Variants in PXYLP1 observed in about 807,000 individuals in gnomAD.
The protein encoded by PXYLP1 is 2-phosphoxylose phosphatase 1, also known as acid phosphatase-like 2.
Under a neutral mutation model 37.9 loss-of-function variants are expected in PXYLP1, and 17 were observed. That is an observed-to-expected ratio of 0.45 (90% CI 0.31 to 0.67). The LOEUF (loss-of-function observed/expected upper bound fraction) is 0.67, where lower values mean the gene tolerates loss of function less well. Among genes scored for constraint, PXYLP1 ranks in the 30% least tolerant of loss-of-function variants. The pLI, the probability that PXYLP1 is intolerant of heterozygous loss-of-function variation, is 0.07. For synonymous variants in PXYLP1, 221 were observed against 232.2 expected (o/e 0.95, Z 0.44); for missense variants, 511 against 612.0 (o/e 0.84, Z 1.74).
In PXYLP1 at chr3:141,293,957, A is replaced by G. The variant is rs992116068; in HGVS notation, c.*752A>G. ...GTTCCTCCAGTAACTTCTGCTAGAA[A>G]CACAGAATTTGGTCTGTATCTGACA... On this transcript the variant is annotated 3_prime_UTR_variant, in exon 6 of 6. Transcript: ENST00000286353. The G allele has an allele frequency of 6.6e-6, 1 of 152,222 alleles. No homozygotes were observed. Among genetic ancestry groups the G allele is most frequent in the Non-Finnish European group, 1.5e-5 (1 of 68,038 alleles). 9.4% of individuals were successfully genotyped at this position (152,222 alleles called of 1,614,324 possible).
Position 141,260,150 on chromosome 3 carries a change from A to G in PXYLP1, c.-26A>G. On this transcript the variant is annotated 5_prime_UTR_variant, in exon 2 of 6. It removes an upstream start codon present in the reference 5' UTR. Coordinates refer to ENST00000286353, the MANE Select transcript of PXYLP1 (RefSeq NM_001037172.3). ...CATGTTCCCGATTTGAGGTGAAACCATGAAGAGAAAATAGAATACTTAATA... is the reference window on the plus strand; with the variant it reads ...CATGTTCCCGATTTGAGGTGAAACCGTGAAGAGAAAATAGAATACTTAATA... 4 of 1,613,760 alleles carry G rather than the reference A, an allele frequency of 2.5e-6. No individual in the cohort carries two copies. The highest frequency in any genetic ancestry group is 3.4e-6 in the Non-Finnish European group (4 of 1,179,872).
At chr3:141,240,315 A>G (rs1332707551) in intron 1 of PXYLP1, among the ~76,000 whole-genome samples, 1 of 152,176 alleles carries the variant, frequency 6.6e-6, no homozygotes, top group Non-Finnish European at 1.5e-5. Context: ...AATGGTTCAA[A>G]TATGGTAGGC....
At chr3:141,258,938 C>A (rs775683519) in intron 1 of PXYLP1, among the ~76,000 whole-genome samples, 2 of 152,234 alleles carry the variant, frequency 1.3e-5, no homozygotes, top group Admixed American at 6.5e-5. Flanking sequence ...AGCAAATGTT[C>A]TCTTTTGGTA....
chr3:141,254,315 C>T (rs547699194), intron 1 of PXYLP1, among the ~76,000 whole-genome samples: 108 of 152,314 alleles, frequency 7.1e-4, no homozygotes, highest in African/African-American at 2.5e-3. Context: ...AAACTGTGTC[C>T]TGTATCCTGT....
Position 141,238,702 on chromosome 3 carries a change from A to G in PXYLP1, c.-54+6791A>G, listed in dbSNP as rs368805468. On this transcript the variant is annotated intron_variant, in intron 1 of 5. Coordinates refer to ENST00000286353, the MANE Select transcript of PXYLP1 (RefSeq NM_001037172.3). The stretch of plus-strand genomic sequence containing the variant: ...TAAATCCCCAATATTGTAACTATAC[A>G]TAGCCTACTGTTAGCCAGAAGCCTT... 3.9e-5 allele frequency among the ~76,000 whole-genome samples: 6 copies of G among 152,238 alleles called. No individual in the cohort carries two copies. The East Asian group carries it at 9.6e-4, about 24-fold the overall frequency.
intron 1 of PXYLP1, among the ~76,000 whole-genome samples, chr3:141,253,638 T>C (rs1016671930): frequency 8.6e-5 from 13 of 151,144 alleles, no homozygotes; most frequent in Non-Finnish European, 1.8e-4. Flanking sequence ...TACTCCCTAC[T>C]TCCCTCGCCA....
At chr3:141,286,401 CCTGGTTAT>C (rs1195407304) in intron 4 of PXYLP1, among the ~76,000 whole-genome samples, 3 of 152,008 alleles carry the variant, frequency 2.0e-5, no homozygotes, top group Non-Finnish European at 4.4e-5. Context: ...GTATAGAGAT[CCTGGTTAT>C]CTTATTCAGT....
intron 2 of PXYLP1, among the ~76,000 whole-genome samples, chr3:141,261,386 T>A (rs1255644418): frequency 6.6e-6 from 1 of 152,228 alleles, no homozygotes; most frequent in Admixed American, 6.5e-5. Flanking sequence ...CTCAAACTCC[T>A]GACCTCAAGT....
chr3:141,284,474 G>A (rs899249232), intron 4 of PXYLP1, among the ~76,000 whole-genome samples: 5 of 152,208 alleles, frequency 3.3e-5, no homozygotes, highest in Non-Finnish European at 7.3e-5. Flanking sequence ...GAAGAGAATA[G>A]ATTTTAGTGT....
chr3:141,255,309 C>T (rs535406480), intron 1 of PXYLP1, among the ~76,000 whole-genome samples: 1 of 152,352 alleles, frequency 6.6e-6, no homozygotes, highest in African/African-American at 2.4e-5. Context: ...CAGGGGACTG[C>T]AGCTGTGCCC....
chr3:141,274,221 TGTG>T, intron 2 of PXYLP1: 3 of 1,137,490 alleles, frequency 2.6e-6, no homozygotes, highest in South Asian at 2.8e-5. Flanking sequence ...CAAGAGCTGA[TGTG>T]GTGAGTAGCA....
chr3:141,257,649 C>T (rs1941290842), intron 1 of PXYLP1, among the ~76,000 whole-genome samples: 1 of 152,132 alleles, frequency 6.6e-6, no homozygotes, highest in Non-Finnish European at 1.5e-5. Flanking sequence ...CAGTGGCTCA[C>T]ACCTGTAATC....
chr3:141,234,328 G>T (rs960627480), intron 1 of PXYLP1: 41 of 152,160 alleles, frequency 2.7e-4, no homozygotes, highest in African/African-American at 9.2e-4. Flanking sequence ...GGTAGGTGGT[G>T]GTGGGCGCCC....
At chr3:141,277,987 C>T (rs781120673) in intron 2 of PXYLP1, among the ~76,000 whole-genome samples, 20 of 152,166 alleles carry the variant, frequency 1.3e-4, no homozygotes, top group Non-Finnish European at 2.9e-4. Context: ...TGATGGTTTT[C>T]CTCCTTCTTG....
chr3:141,257,416 A>G (rs952902722), intron 1 of PXYLP1, among the ~76,000 whole-genome samples: 13 of 152,234 alleles, frequency 8.5e-5, no homozygotes, highest in African/African-American at 3.1e-4. Flanking sequence ...CATGGCCAAA[A>G]CAAGTTCCTT....
intron 1 of PXYLP1, among the ~76,000 whole-genome samples, chr3:141,242,859 C>G (rs964862792): frequency 6.6e-6 from 1 of 152,226 alleles, no homozygotes; most frequent in Non-Finnish European, 1.5e-5. Flanking sequence ...AGAATAGAAG[C>G]TCCATGAGGG....
chr3:141,287,783 C>T (rs1239978358), intron 5 of PXYLP1, among the ~76,000 whole-genome samples: 4 of 152,234 alleles, frequency 2.6e-5, no homozygotes, highest in Non-Finnish European at 5.9e-5. Flanking sequence ...TATGCACACA[C>T]ACACATCTTA....
chr3:141,257,679 A>T (rs139177508), intron 1 of PXYLP1, among the ~76,000 whole-genome samples: 204 of 152,254 alleles, frequency 1.3e-3, no homozygotes, highest in African/African-American at 4.7e-3. Flanking sequence ...TGGCAGGCAG[A>T]TCACCTGAGA....
intron 2 of PXYLP1, among the ~76,000 whole-genome samples, chr3:141,263,861 C>T (rs1245794467): frequency 1.3e-5 from 2 of 152,236 alleles, no homozygotes; most frequent in African/African-American, 4.8e-5. Flanking sequence ...CTCATGGAAG[C>T]ATAGCCAACA....
Sources: gnomAD v4.1 joint callset for allele counts (sites outside exome capture counted in the v4.1 genomes callset) on GRCh38, gnomAD v4.1.1 for gene constraint, MANE v1.5 for transcripts, NCBI Gene and HGNC (gene_info 2026-07-23, HGNC 2026-07-21) for gene names.